The following COL23A1 variants were observed in gnomAD, a reference collection of about 807,000 sequenced individuals.
The protein encoded by COL23A1 is collagen alpha-1(XXIII) chain.
In COL23A1, 97 loss-of-function variants were observed where a neutral mutation model predicts 99.3. The ratio of observed to expected loss-of-function variants is 0.98; its 90% CI spans 0.83 to 1.16. The LOEUF is 1.16. Ranked by LOEUF, COL23A1 falls within the 50% of genes most tolerant of loss-of-function variation. The pLI is 0.00. For missense variants in COL23A1, 762 were observed against 757.4 expected (o/e 1.01, Z -0.07); for synonymous variants, 320 against 308.2 (o/e 1.04, Z -0.40).
rs1339505948 is a variant in COL23A1, at chr5:178,242,328, C to A, written c.1494+13G>T. The A allele has an allele frequency of 4.3e-6, 7 of 1,613,460 alleles. No individual in the cohort carries two copies. Among genetic ancestry groups the A allele is most frequent in the Non-Finnish European group, 5.9e-6 (7 of 1,179,654 alleles). ...CTCTCCTCCTGCCCCAGCTCCCGTC[C>A]AGCTGCCCTCACCTTCTCTCCACGC... On this transcript the variant is annotated intron_variant, in intron 26 of 28. Transcript: ENST00000390654.
intron 2 of COL23A1, among the ~76,000 whole-genome samples, chr5:178,523,200 A>C (rs1452841541): frequency 5.2e-5 from 4 of 76,902 alleles, no homozygotes; most frequent in Non-Finnish European, 1.1e-4. Flanking sequence ...ATATATATAT[A>C]TAGAGAGAGA....
chr5:178,340,148 C>A lies in COL23A1; in HGVS notation c.362-33229G>T, dbSNP rs560059193. ...CTCACATGTTTAGCCATGAGATGGG[C>A]ATCATACTCCCTCCTCACAGCGTTC... On this transcript the variant is annotated intron_variant, in intron 2 of 28. Transcript: ENST00000390654. This position sits in a 1 kb window ranked among gnomAD's most constrained non-coding sequence, Gnocchi z 4.7. Among the ~76,000 whole-genome samples, 6 of 152,216 alleles carry A rather than the reference C, an allele frequency of 3.9e-5. No homozygotes were observed. Among genetic ancestry groups the A allele is most frequent in the African/African-American group, 1.4e-4 (6 of 41,528 alleles).
At position 178,468,039 on chromosome 5, in the gene COL23A1, C is replaced by T. The variant is rs972785000; in HGVS notation, c.361+92643G>A. 6.6e-6 allele frequency among the ~76,000 whole-genome samples: 1 copy of T among 152,112 alleles called. No homozygotes were observed. The highest frequency in any genetic ancestry group is 1.5e-5 in the Non-Finnish European group (1 of 68,022). ...GGAGCGGACAGGCGTATTTAATATC[C>T]CACCCACGCATCACCTAACAGCCTC... On this transcript the variant is annotated intron_variant, in intron 2 of 28. Coordinates refer to ENST00000390654, the MANE Select transcript of COL23A1 (RefSeq NM_173465.4). This position sits in a 1 kb window ranked among gnomAD's most constrained non-coding sequence, Gnocchi z 4.2.
At chr5:178,567,447 G>A (rs1195052061) in intron 1 of COL23A1, among the ~76,000 whole-genome samples, 1 of 152,166 alleles carries the variant, frequency 6.6e-6, no homozygotes, top group Non-Finnish European at 1.5e-5. Context: ...AGAAACATAA[G>A]AACCAACCTG....
At chr5:178,506,052 C>T (rs1758851661) in intron 2 of COL23A1, among the ~76,000 whole-genome samples, 1 of 152,236 alleles carries the variant, frequency 6.6e-6, no homozygotes, top group Non-Finnish European at 1.5e-5. Context: ...CCACTCTGCA[C>T]TGCAGCAGAG....
At chr5:178,350,437 C>A (rs1253412944) in intron 2 of COL23A1, among the ~76,000 whole-genome samples, 1 of 152,112 alleles carries the variant, frequency 6.6e-6, no homozygotes, top group East Asian at 1.9e-4. Context: ...CCCAGCACGG[C>A]ATCTAGGGCA....
chr5:178,332,952 GT>G lies in COL23A1; in HGVS notation c.362-26034del, dbSNP rs111806170. Among the ~76,000 whole-genome samples the G allele has an allele frequency of 4.6e-5, 7 of 150,736 alleles. No individual in the cohort carries two copies. In the South Asian group the frequency reaches 6.3e-4, roughly 14 times the overall value. On this transcript the variant is annotated intron_variant, in intron 2 of 28. Coordinates refer to ENST00000390654, the MANE Select transcript of COL23A1 (RefSeq NM_173465.4). ...ATTTTTCATTTTTGACTCATGGTTT[GT>G]TTTTTTTTGTTTGTTTGTTTTTGAG...
rs796141502 is a variant in COL23A1, at chr5:178,358,248, G to GTATGTGTGTGTATGTA, written c.362-51330_362-51329insTACATACACACACATA. 1.7e-3 allele frequency among the ~76,000 whole-genome samples: 214 copies of GTATGTGTGTGTATGTA among 125,724 alleles called. 3 individuals carry two copies. Among genetic ancestry groups the GTATGTGTGTGTATGTA allele is most frequent in the African/African-American group, 5.1e-3 (178 of 34,948 alleles). 82.5% of individuals were successfully genotyped at this position (125,724 alleles called of 152,430 possible). ...AATGTGTGTATGTGTGTATGTGTAT[G>GTATGTGTGTGTATGTA]TGTGTGTATGTATATGTGTGTATAT... On this transcript the variant is annotated intron_variant, in intron 2 of 28. Coordinates refer to ENST00000390654, the MANE Select transcript of COL23A1 (RefSeq NM_173465.4).
chr5:178,240,421 A>AGCACACG (rs907733711), intron 27 of COL23A1, among the ~76,000 whole-genome samples: 5 of 152,160 alleles, frequency 3.3e-5, no homozygotes, highest in Admixed American at 6.5e-5. Flanking sequence ...AGGCCCACAC[A>AGCACACG]GCACACGGCA....
intron 3 of COL23A1, among the ~76,000 whole-genome samples, chr5:178,295,018 A>T (rs1169330344): frequency 2.0e-5 from 3 of 152,008 alleles, no homozygotes; most frequent in Middle Eastern, 3.4e-3. Flanking sequence ...AACAAAAAAC[A>T]AAAAACTAAA....
chr5:178,342,840 G>C (rs1760745650), intron 2 of COL23A1, among the ~76,000 whole-genome samples: 1 of 151,898 alleles, frequency 6.6e-6, no homozygotes, highest in South Asian at 2.1e-4. Context: ...ATAGAAGTAA[G>C]AGAAAATCTA....
intron 2 of COL23A1, among the ~76,000 whole-genome samples, chr5:178,399,344 A>G (rs1044334278): frequency 4.6e-5 from 7 of 152,214 alleles, no homozygotes; most frequent in Non-Finnish European, 1.5e-5. Context: ...AAGTAAAGAT[A>G]GACAGAGACG....
At position 178,255,566 on chromosome 5, in the gene COL23A1, C is replaced by G. The variant is rs1187592922; in HGVS notation, c.883-540G>C. On this transcript the variant is annotated intron_variant, in intron 15 of 28. Transcript: ENST00000390654. The surrounding 1 kb of genome is among the most constrained non-coding windows in gnomAD (Gnocchi z 4.2). ...GTGCACGCATGGCTGCTGGCCAGCC[C>G]TTCCCTTGTGAACCTCACTTCCCCA... Among the ~76,000 whole-genome samples the G allele has an allele frequency of 6.6e-6, 1 of 152,056 alleles. No homozygotes were observed. Among genetic ancestry groups the G allele is most frequent in the African/African-American group, 2.4e-5 (1 of 41,408 alleles).
At chr5:178,337,236 C>T (rs1339159315) in intron 2 of COL23A1, among the ~76,000 whole-genome samples, 5 of 152,206 alleles carry the variant, frequency 3.3e-5, no homozygotes, top group South Asian at 2.1e-4. Flanking sequence ...CTTGCTGGAG[C>T]GCAGAGACCC....
At chr5:178,347,773 C>T (rs1195394254) in intron 2 of COL23A1, among the ~76,000 whole-genome samples, 4 of 150,300 alleles carry the variant, frequency 2.7e-5, no homozygotes, top group South Asian at 2.1e-4. Context: ...CCCAGCTACT[C>T]GGGAGGCTGA....
chr5:178,397,306 A>G (rs1764202509), intron 2 of COL23A1, among the ~76,000 whole-genome samples: 1 of 152,360 alleles, frequency 6.6e-6, no homozygotes. Context: ...TGCGTTAGCA[A>G]GACGCAAGGA....
intron 2 of COL23A1, among the ~76,000 whole-genome samples, chr5:178,341,047 G>T (rs10479623): frequency 0.11 from 16,915 of 152,272 alleles, 997 homozygotes; most frequent in Middle Eastern, 0.19. Flanking sequence ...CTGACCTTTT[G>T]TGGGCCACAT....
chr5:178,565,593 C>G (rs1227767905), intron 1 of COL23A1, among the ~76,000 whole-genome samples: 1 of 152,160 alleles, frequency 6.6e-6, no homozygotes, highest in Non-Finnish European at 1.5e-5. Context: ...ATTATCAAGA[C>G]TGGATTACAT....
chr5:178,503,275 G>C (rs767260318), intron 2 of COL23A1, among the ~76,000 whole-genome samples: 6 of 152,146 alleles, frequency 3.9e-5, no homozygotes, highest in Non-Finnish European at 7.3e-5. Context: ...ACTTGAACTT[G>C]GGAGGTGGAG....
Sources: gnomAD v4.1 joint callset for allele counts (sites outside exome capture counted in the v4.1 genomes callset) on GRCh38, gnomAD v4.1.1 for gene constraint, Gnocchi (gnomAD v3.1) non-coding constraint, MANE v1.5 for transcripts, NCBI Gene and HGNC (gene_info 2026-07-23, HGNC 2026-07-21) for gene names.